EXOC4: variants seen among roughly 807,000 people sequenced by gnomAD.
EXOC4 encodes the protein exocyst complex component 4.
Under a neutral mutation model 107.2 loss-of-function variants are expected in EXOC4, and 71 were observed. That is an observed-to-expected ratio of 0.66 (90% confidence interval 0.55 to 0.81). The LOEUF (loss-of-function observed/expected upper bound fraction) is 0.81, where lower values mean the gene tolerates loss of function less well. Ranked by LOEUF, EXOC4 falls within the 30% of genes least tolerant of loss-of-function variation. The pLI, the probability that EXOC4 is intolerant of heterozygous loss-of-function variation, is 0.00. For missense variants in EXOC4, 1,108 were observed against 1,189.6 expected (o/e 0.93, Z 1.01); for synonymous variants, 456 against 441.2 (o/e 1.03, Z -0.42).
At chr7:133,310,430 G>GAAAAACAT (rs1794845809) in intron 4 of EXOC4, among the ~76,000 whole-genome samples, 3 of 152,136 alleles carry the variant, frequency 2.0e-5, no homozygotes, top group African/African-American at 7.2e-5. Context: ...GTCCTTCAAG[G>GAAAAACAT]TCCTCTGCTG....
chr7:133,761,195 T>C (rs1469330746), intron 10 of EXOC4, among the ~76,000 whole-genome samples: 2 of 152,162 alleles, frequency 1.3e-5, no homozygotes, highest in Non-Finnish European at 2.9e-5. Flanking sequence ...GAACAAAGCA[T>C]TGTAAGCAGA....
At position 133,772,913 on chromosome 7, in the gene EXOC4, C is replaced by T. The variant is rs75640904; in HGVS notation, c.1515-44412C>T. ...ACTTTGGGCTAAGCCCTGGATGTTT[C>T]TGAGCTTGAGAGTCCTAGTCTGTAA... is the stretch of plus-strand genomic sequence containing the variant. On this transcript the variant is annotated intron_variant, in intron 10 of 17. Transcript: ENST00000253861. 7.7e-3 allele frequency among the ~76,000 whole-genome samples: 1,170 copies of T among 152,142 alleles called. 15 individuals carry two copies. Among genetic ancestry groups the T allele is most frequent in the African/African-American group, 0.026 (1,076 of 41,538 alleles).
chr7:133,284,698 A>G (rs1200551939), intron 2 of EXOC4, among the ~76,000 whole-genome samples: 1 of 151,812 alleles, frequency 6.6e-6, no homozygotes, highest in African/African-American at 2.4e-5. Context: ...TGCCTGGCTA[A>G]TTTTATTTTT....
At chr7:133,640,687 C>T (rs762541545) in intron 10 of EXOC4, among the ~76,000 whole-genome samples, 24 of 152,196 alleles carry the variant, frequency 1.6e-4, no homozygotes, top group Admixed American at 1.2e-3. Flanking sequence ...TAAAAGCTAG[C>T]GGAGCAAAAA....
chr7:134,015,938 G>A (rs925420917), intron 17 of EXOC4, among the ~76,000 whole-genome samples: 3 of 151,870 alleles, frequency 2.0e-5, no homozygotes, highest in Admixed American at 6.6e-5. Flanking sequence ...GTGGTGGGGG[G>A]AGTGGGGATG....
At chr7:133,327,339 G>T (rs931123921) in intron 5 of EXOC4, among the ~76,000 whole-genome samples, 1 of 152,144 alleles carries the variant, frequency 6.6e-6, no homozygotes, top group African/African-American at 2.4e-5. Context: ...TTCTTGTTCG[G>T]CTATCTTGGA....
intron 7 of EXOC4, among the ~76,000 whole-genome samples, chr7:133,470,033 C>G (rs1798833311): frequency 6.6e-6 from 1 of 152,178 alleles, no homozygotes; most frequent in African/African-American, 2.4e-5. Context: ...AGGTTATAAG[C>G]ATGGCTACCA....
chr7:134,099,522 C>CTTTTT, the EXOC4 span, among the ~76,000 whole-genome samples: 13 of 103,934 alleles, frequency 1.3e-4, 1 homozygote, highest in Non-Finnish European at 1.8e-4. Context: ...CATCACACTT[C>CTTTTT]TTTTTTTTTT....
chr7:133,737,173 A>G (rs189348937), intron 10 of EXOC4, among the ~76,000 whole-genome samples: 198 of 152,298 alleles, frequency 1.3e-3, no homozygotes, highest in South Asian at 2.1e-3. Context: ...TATGTACCAC[A>G]CACTGCTGTC....
chr7:133,704,534 G>A (rs139187506), intron 10 of EXOC4, among the ~76,000 whole-genome samples: 1 of 152,174 alleles, frequency 6.6e-6, no homozygotes, highest in Non-Finnish European at 1.5e-5. Flanking sequence ...TTTCACCACA[G>A]AGCAGAGAAT....
At chr7:133,299,590 G>A (rs908943779) in intron 3 of EXOC4, among the ~76,000 whole-genome samples, 8 of 152,108 alleles carry the variant, frequency 5.3e-5, no homozygotes, top group African/African-American at 1.9e-4. Context: ...TAGTAATAGG[G>A]TGAAATCTTT....
chr7:133,648,089 A>G (rs961077770), intron 10 of EXOC4, among the ~76,000 whole-genome samples: 5 of 152,330 alleles, frequency 3.3e-5, no homozygotes, highest in Middle Eastern at 3.4e-3. Flanking sequence ...TACTCGCATA[A>G]CTTAAGGACT....
chr7:134,068,444 G>A (rs1352627575), downstream of EXOC4, among the ~76,000 whole-genome samples: 8 of 152,174 alleles, frequency 5.3e-5, no homozygotes, highest in African/African-American at 9.7e-5. Flanking sequence ...CATGTAAGAC[G>A]TGACTTTGCT....
chr7:133,885,145 C>T (rs1799053779), intron 11 of EXOC4, among the ~76,000 whole-genome samples: 1 of 152,048 alleles, frequency 6.6e-6, no homozygotes, highest in Admixed American at 6.5e-5. Context: ...GAAACCCCGT[C>T]TCTACTAAAA....
chr7:133,275,670 C>T (rs1220757087), intron 2 of EXOC4, among the ~76,000 whole-genome samples: 2 of 152,188 alleles, frequency 1.3e-5, no homozygotes, highest in Non-Finnish European at 2.9e-5. Context: ...ATCCAAACCA[C>T]AGAAGCGAGA....
intron 17 of EXOC4, among the ~76,000 whole-genome samples, chr7:134,019,668 C>T (rs985599914): frequency 1.3e-5 from 2 of 152,170 alleles, no homozygotes; most frequent in Non-Finnish European, 2.9e-5. Context: ...AAACTTAGGT[C>T]AATCCAACCC....
intron 17 of EXOC4, among the ~76,000 whole-genome samples, chr7:134,051,829 CA>C (rs1342470415): frequency 6.6e-6 from 1 of 151,570 alleles, no homozygotes; most frequent in African/African-American, 2.4e-5. Flanking sequence ...ACTAAAAATA[CA>C]AAAAAATTAG....
At chr7:133,875,375 G>T (rs925147968) in intron 11 of EXOC4, among the ~76,000 whole-genome samples, 5 of 152,144 alleles carry the variant, frequency 3.3e-5, no homozygotes, top group Non-Finnish European at 7.4e-5. Flanking sequence ...AGACAGGTTG[G>T]ATTATTGGCC....
In EXOC4 at chr7:133,308,851, C is replaced by T. The variant is rs376249687; in HGVS notation, c.656+2790C>T. Reference sequence around the variant, plus strand: ...CCCACCCAATGTCCATTCTTCCCTTCATTTTTAATGACAATCTTTATTTCG... The same window carrying T: ...CCCACCCAATGTCCATTCTTCCCTTTATTTTTAATGACAATCTTTATTTCG... On this transcript the variant is annotated intron_variant, in intron 4 of 17. Transcript: ENST00000253861. 2.0e-5 allele frequency among the ~76,000 whole-genome samples: 3 copies of T among 152,272 alleles called. No individual in the cohort carries two copies. In the South Asian group the frequency reaches 6.2e-4, roughly 32 times the overall value.
Sources: gnomAD v4.1 joint callset for allele counts (sites outside exome capture counted in the v4.1 genomes callset) on GRCh38, gnomAD v4.1.1 for gene constraint, MANE v1.5 for transcripts, NCBI Gene and HGNC (gene_info 2026-07-23, HGNC 2026-07-21) for gene names.